The following HOXD9 variants were observed in gnomAD, a reference collection of about 807,000 sequenced individuals.
HOXD9 encodes the protein homeobox D9.
In HOXD9, 21 loss-of-function variants were observed where a neutral mutation model predicts 24.6. The ratio of observed to expected loss-of-function variants is 0.85; its 90% CI spans 0.61 to 1.23. The LOEUF (loss-of-function observed/expected upper bound fraction) is 1.23. HOXD9 is among the 50% of genes most tolerant of loss of function. The pLI is 0.00. For missense variants in HOXD9, 503 were observed against 503.6 expected, an observed-to-expected ratio of 1.00 and a Z score of 0.01; for synonymous variants, 240 against 226.4, an observed-to-expected ratio of 1.06 and a Z score of -0.54.
In HOXD9 at chr2:176,122,852, T is replaced by C; in HGVS notation, c.84T>C (p.His28=). The C allele has an allele frequency of 6.3e-7, 1 of 1,593,088 alleles. No individual in the cohort carries two copies. The highest frequency in any genetic ancestry group is 8.5e-7 in the Non-Finnish European group (1 of 1,171,564). ...ACTACGTGGACTCGCTTATAGGCCA[T>C]GAGGGCGACGAGGTGTTCGCGGCGC... The part of the protein sequence containing the change: ...SNYYVDSLIG[H]EGDEVFAARF... Residue 28 remains histidine, a synonymous_variant, in exon 1 of 2, where the codon CAT becomes CAC. Transcript: ENST00000249499.
chr2:176,123,711 T>C lies in HOXD9; in HGVS notation c.817+126T>C. On this transcript the variant is annotated intron_variant, in intron 1 of 1. Transcript: ENST00000249499. This position sits in a 1 kb window ranked among gnomAD's most constrained non-coding sequence, Gnocchi z 4.2. The stretch of plus-strand genomic sequence containing the variant: ...CCTACCCAAGCCTAGGCGAACAACA[T>C]GCATCCATAAAAAGAGCTTCCCATA... The C allele has an allele frequency of 7.8e-7, 1 of 1,290,012 alleles. No homozygotes were observed. The allele number at this position is 1,290,012 out of a possible 1,614,324, so 79.9% of individuals were successfully genotyped here. A position where few individuals can be genotyped will look rare whatever the true frequency, so the allele number is the denominator to read the frequency against.
Position 176,122,725 on chromosome 2 carries a change from T to G in HOXD9, c.-44T>G, listed in dbSNP as rs770786126. 1 of 1,454,434 alleles carries G rather than the reference T, an allele frequency of 6.9e-7. No individual in the cohort carries two copies. Among genetic ancestry groups the G allele is most frequent in the African/African-American group, 1.5e-5 (1 of 67,270 alleles). 90.1% of individuals were successfully genotyped at this position (1,454,434 alleles called of 1,614,324 possible). A position where few individuals can be genotyped will look rare whatever the true frequency, so the allele number is the denominator to read the frequency against. ...AGGCTGCAGCCTGCGAACTAGTCGG[T>G]GGCTCGGGCGCCGGCGGGGAGCTGC... On this transcript the variant is annotated 5_prime_UTR_variant, in exon 1 of 2. Transcript: ENST00000249499.
rs1185883519 is a variant in HOXD9 at position 176,124,398 on chromosome 2, TTTGGG to T, written c.*224_*228del. ...TTACGTGTTGGAAAAACCAAGTGGC[TTTGGG>T]GTTTCGCCCTATCCCACTCCCTCTC... On this transcript the variant is annotated 3_prime_UTR_variant, in exon 2 of 2. Coordinates refer to ENST00000249499, the MANE Select transcript of HOXD9 (RefSeq NM_014213.4). 9.5e-5 allele frequency: 49 copies of T among 517,626 alleles called. No individual in the cohort carries two copies. Among genetic ancestry groups the T allele is most frequent in the Admixed American group, 1.6e-4 (4 of 25,584 alleles). The allele number at this position is 517,626 out of a possible 1,614,324, so 32.1% of individuals were successfully genotyped here.
Position 176,122,776 on chromosome 2 carries a change from G to T in HOXD9, c.8G>T (p.Gly3Val). The change falls in exon 1 of 2, where the codon GGT becomes GTT. Residue 3 changes from glycine to valine, a missense_variant. Gly to Val is a moderately radical substitution (Grantham distance 109). Coordinates refer to ENST00000249499, the MANE Select transcript of HOXD9 (RefSeq NM_014213.4). ML[G>V]GSAGRLKMSS... ...TCGGCGGCGGACAGTGTAATGTTGG[G>T]TGGGAGTGCGGGACGCCTCAAAATG... 4 of 1,515,188 alleles carry T rather than the reference G, an allele frequency of 2.6e-6. No individual in the cohort carries two copies. The South Asian group carries it at 5.3e-5, about 20-fold the overall frequency. 93.9% of individuals were successfully genotyped at this position (1,515,188 alleles called of 1,614,324 possible). A position where few individuals can be genotyped will look rare whatever the true frequency, so the allele number is the denominator to read the frequency against.
At position 176,124,432 on chromosome 2, in the gene HOXD9, C is replaced by T. The variant is rs912400066; in HGVS notation, c.*257C>T. ...TCGCCCTATCCCACTCCCTCTCTTT[C>T]CTGCTCCATTGGTTCCTTAAGAAAT... On this transcript the variant is annotated 3_prime_UTR_variant, in exon 2 of 2. Coordinates refer to ENST00000249499, the MANE Select transcript of HOXD9 (RefSeq NM_014213.4). 1 of 349,784 alleles carries T rather than the reference C, an allele frequency of 2.9e-6. No homozygotes were observed. The highest frequency in any genetic ancestry group is 5.1e-6 in the Non-Finnish European group (1 of 195,712). The allele number at this position is 349,784 out of a possible 1,614,324, so 21.7% of individuals were successfully genotyped here. A position where few individuals can be genotyped will look rare whatever the true frequency, so the allele number is the denominator to read the frequency against.
rs925338881 is a variant in HOXD9, at chr2:176,124,425, T to G, written c.*250T>G. The G allele has an allele frequency of 5.3e-6, 2 of 373,900 alleles. No homozygotes were observed. Among genetic ancestry groups the G allele is most frequent in the African/African-American group, 2.1e-5 (1 of 48,064 alleles). 23.2% of individuals were successfully genotyped at this position (373,900 alleles called of 1,614,324 possible). A position where few individuals can be genotyped will look rare whatever the true frequency, so the allele number is the denominator to read the frequency against. ...TGGGGTTTCGCCCTATCCCACTCCCTCTCTTTCCTGCTCCATTGGTTCCTT... is the reference window on the plus strand; with the variant it reads ...TGGGGTTTCGCCCTATCCCACTCCCGCTCTTTCCTGCTCCATTGGTTCCTT... On this transcript the variant is annotated 3_prime_UTR_variant, in exon 2 of 2. Transcript: ENST00000249499.
rs56007470 is a variant in HOXD9 at position 176,123,562 on chromosome 2, C to CGCAGCA, written c.801_806dup (p.Gln268_Gln269dup). The CGCAGCA allele has an allele frequency of 1.4e-5, 21 of 1,472,018 alleles. No homozygotes were observed. The highest frequency in any genetic ancestry group is 1.0e-4 in the African/African-American group (7 of 69,498). 91.2% of individuals were successfully genotyped at this position (1,472,018 alleles called of 1,614,324 possible). ...GAGGAGGAGAAGCAGCATTCGCAGC[C>CGCAGCA]GCAGCAGCAGCAACTTGACCCAAGT... On this transcript the variant is annotated inframe_insertion, in exon 1 of 2. Coordinates refer to ENST00000249499, the MANE Select transcript of HOXD9 (RefSeq NM_014213.4). The surrounding 1 kb of genome is among the most constrained non-coding windows in gnomAD (Gnocchi z 4.2).
In HOXD9 at chr2:176,123,659, T is replaced by C. The variant is rs979486623; in HGVS notation, c.817+74T>C. 55 of 1,461,162 alleles carry C rather than the reference T, an allele frequency of 3.8e-5. No individual in the cohort carries two copies. Among genetic ancestry groups the C allele is most frequent in the Non-Finnish European group, 4.8e-5 (53 of 1,105,088 alleles). 90.5% of individuals were successfully genotyped at this position (1,461,162 alleles called of 1,614,324 possible). On this transcript the variant is annotated intron_variant, in intron 1 of 1. Transcript: ENST00000249499. This position sits in a 1 kb window ranked among gnomAD's most constrained non-coding sequence, Gnocchi z 4.2. ...GCTCGAATGTGCAAAACTGATAGTT[T>C]TACTAACCTATAAAAACGTCTAGAC... is the stretch of plus-strand genomic sequence containing the variant.
In HOXD9 at chr2:176,122,937, G is replaced by A. The variant is rs1266171076; in HGVS notation, c.169G>A (p.Ala57Thr). ...GCCTGCAGGTGTGGCTGATGGCCCG[G>A]CCGCCACCGCCGCCGAGTTCGCCTC... ...GRPAGVADGP[A>T]ATAAEFASCS... Residue 57 changes from alanine to threonine, a missense_variant, in exon 1 of 2, where the codon GCC (alanine) becomes ACC (threonine). By Grantham distance (58) the Ala-to-Thr change is moderately conservative. Transcript: ENST00000249499. 13 of 1,578,634 alleles carry A rather than the reference G, an allele frequency of 8.2e-6. No homozygotes were observed.
Position 176,124,211 on chromosome 2 carries a change from C to T in HOXD9, c.*36C>T, listed in dbSNP as rs1267764536. ...TGCTGGCGGGAGCGCTCAAGGGCAG[C>T]GGATTTGTTGTTGTTGCTGTTTTCC... On this transcript the variant is annotated 3_prime_UTR_variant, in exon 2 of 2. Transcript: ENST00000249499. 5 of 1,551,568 alleles carry T rather than the reference C, an allele frequency of 3.2e-6. No individual in the cohort carries two copies. The highest frequency in any genetic ancestry group is 2.7e-5 in the African/African-American group (2 of 72,774).
Position 176,124,288 on chromosome 2 carries a change from T to A in HOXD9, c.*113T>A. On this transcript the variant is annotated 3_prime_UTR_variant, in exon 2 of 2. Transcript: ENST00000249499. ...CAGAAACTCTCCAGCGACTTGGACTTCTTCTTCTTTTTTTTTTTCTTTTTA... is the reference window on the plus strand; with the variant it reads ...CAGAAACTCTCCAGCGACTTGGACTACTTCTTCTTTTTTTTTTTCTTTTTA... 3.7e-6 allele frequency: 5 copies of A among 1,366,326 alleles called. No individual in the cohort carries two copies. Among genetic ancestry groups the A allele is most frequent in the Non-Finnish European group, 3.9e-6 (4 of 1,036,114 alleles). The allele number at this position is 1,366,326 out of a possible 1,614,324, so 84.6% of individuals were successfully genotyped here.
chr2:176,123,709 C>T lies in HOXD9; in HGVS notation c.817+124C>T. ...CGCCTACCCAAGCCTAGGCGAACAA[C>T]ATGCATCCATAAAAAGAGCTTCCCA... On this transcript the variant is annotated intron_variant, in intron 1 of 1. Transcript: ENST00000249499. This position sits in a 1 kb window ranked among gnomAD's most constrained non-coding sequence, Gnocchi z 4.2. 2 of 1,292,042 alleles carry T rather than the reference C, an allele frequency of 1.5e-6. No homozygotes were observed. The highest frequency in any genetic ancestry group is 2.1e-6 in the Non-Finnish European group (2 of 971,010). 80.0% of individuals were successfully genotyped at this position (1,292,042 alleles called of 1,614,324 possible). A position where few individuals can be genotyped will look rare whatever the true frequency, so the allele number is the denominator to read the frequency against.
In HOXD9 at chr2:176,124,795, T is replaced by C. The variant is rs992989767; in HGVS notation, c.*620T>C. The C allele has an allele frequency of 2.0e-5, 3 of 152,330 alleles. No individual in the cohort carries two copies. The highest frequency in any genetic ancestry group is 1.3e-4 in the Admixed American group (2 of 15,284). 9.4% of individuals were successfully genotyped at this position (152,330 alleles called of 1,614,324 possible). On this transcript the variant is annotated 3_prime_UTR_variant, in exon 2 of 2. Coordinates refer to ENST00000249499, the MANE Select transcript of HOXD9 (RefSeq NM_014213.4). ...GTCCTCAGTGCATTGGACGCGCTGC[T>C]CTCTCCCCTGAAGGCTGGGCTCGCG...
Position 176,124,257 on chromosome 2 carries a change from GA to G in HOXD9, c.*83del. The G allele has an allele frequency of 6.8e-7, 1 of 1,480,194 alleles. No individual in the cohort carries two copies. The highest frequency in any genetic ancestry group is 1.5e-5 in the South Asian group (1 of 67,348). 91.7% of individuals were successfully genotyped at this position (1,480,194 alleles called of 1,614,324 possible). A position where few individuals can be genotyped will look rare whatever the true frequency, so the allele number is the denominator to read the frequency against. The stretch of plus-strand genomic sequence containing the variant: ...TTTCCTTTGTGGGTGTTTGGTGCTT[GA>G]TTTCCAGAAACTCTCCAGCGACTTG... On this transcript the variant is annotated 3_prime_UTR_variant, in exon 2 of 2. Coordinates refer to ENST00000249499, the MANE Select transcript of HOXD9 (RefSeq NM_014213.4).
At position 176,124,355 on chromosome 2, in the gene HOXD9, G is replaced by T. The variant is rs1327050610; in HGVS notation, c.*180G>T. 2.2e-6 allele frequency: 2 copies of T among 926,084 alleles called. No individual in the cohort carries two copies. The highest frequency in any genetic ancestry group is 3.0e-6 in the Non-Finnish European group (2 of 666,282). The allele number at this position is 926,084 out of a possible 1,614,324, so 57.4% of individuals were successfully genotyped here. ...TGGTTGGTCTCTGAGGTATTTGGGG[G>T]ACTCTGTATTTGCTCGTTTACGTGT... On this transcript the variant is annotated 3_prime_UTR_variant, in exon 2 of 2. Transcript: ENST00000249499.
rs1689938961 is a variant in HOXD9 at position 176,124,422 on chromosome 2, C to G, written c.*247C>G. On this transcript the variant is annotated 3_prime_UTR_variant, in exon 2 of 2. Coordinates refer to ENST00000249499, the MANE Select transcript of HOXD9 (RefSeq NM_014213.4). ...CTTTGGGGTTTCGCCCTATCCCACT[C>G]CCTCTCTTTCCTGCTCCATTGGTTC... 3 of 378,626 alleles carry G rather than the reference C, an allele frequency of 7.9e-6. No individual in the cohort carries two copies. Among genetic ancestry groups the G allele is most frequent in the Non-Finnish European group, 1.4e-5 (3 of 214,592 alleles). The allele number at this position is 378,626 out of a possible 1,614,324, so 23.5% of individuals were successfully genotyped here.
At position 176,122,737 on chromosome 2, in the gene HOXD9, C is replaced by G. The variant is rs369960160; in HGVS notation, c.-32C>G. Reference sequence around the variant, plus strand: ...GCGAACTAGTCGGTGGCTCGGGCGCCGGCGGGGAGCTGCTCGGCGGCGGAC... The same window carrying G: ...GCGAACTAGTCGGTGGCTCGGGCGCGGGCGGGGAGCTGCTCGGCGGCGGAC... On this transcript the variant is annotated 5_prime_UTR_variant, in exon 1 of 2. Transcript: ENST00000249499. 16 of 1,455,342 alleles carry G rather than the reference C, an allele frequency of 1.1e-5. No homozygotes were observed. The East Asian group carries it at 4.0e-4, about 37-fold the overall frequency. The allele number at this position is 1,455,342 out of a possible 1,614,324, so 90.2% of individuals were successfully genotyped here.
Position 176,123,785 on chromosome 2 carries a change from T to G in HOXD9, c.818-149T>G. 1 of 987,450 alleles carries G rather than the reference T, an allele frequency of 1.0e-6. No individual in the cohort carries two copies. Among genetic ancestry groups the G allele is most frequent in the Non-Finnish European group, 1.5e-6 (1 of 682,336 alleles). 61.2% of individuals were successfully genotyped at this position (987,450 alleles called of 1,614,324 possible). A position where few individuals can be genotyped will look rare whatever the true frequency, so the allele number is the denominator to read the frequency against. ...TAGTACGGTAAACAGAGCGCGAGCATTAAGGCTTTTTATGATAATTCCCCA... is the reference window on the plus strand; with the variant it reads ...TAGTACGGTAAACAGAGCGCGAGCAGTAAGGCTTTTTATGATAATTCCCCA... On this transcript the variant is annotated intron_variant, in intron 1 of 1. Coordinates refer to ENST00000249499, the MANE Select transcript of HOXD9 (RefSeq NM_014213.4). The surrounding 1 kb of genome is among the most constrained non-coding windows in gnomAD (Gnocchi z 4.2).
chr2:176,123,338 G>C lies in HOXD9; in HGVS notation c.570G>C (p.Arg190=), dbSNP rs1403215868. ...SSTSLSSSSK[R]TECSVARESQ... Reference sequence around the variant, plus strand: ...CTTCCTTATCCTCCTCCTCCAAACGGACTGAGTGCTCCGTGGCCCGGGAGT... The same window carrying C: ...CTTCCTTATCCTCCTCCTCCAAACGCACTGAGTGCTCCGTGGCCCGGGAGT... Residue 190 remains arginine (R), a synonymous_variant, in exon 1 of 2, where the codon CGG becomes CGC. Transcript: ENST00000249499. The surrounding 1 kb of genome is among the most constrained non-coding windows in gnomAD (Gnocchi z 4.2). 5 of 1,550,670 alleles carry C rather than the reference G, an allele frequency of 3.2e-6. No homozygotes were observed. Among genetic ancestry groups the C allele is most frequent in the Non-Finnish European group, 4.4e-6 (5 of 1,147,002 alleles).
Sources: gnomAD v4.1 joint callset for allele counts on GRCh38, gnomAD v4.1.1 for gene constraint, Gnocchi (gnomAD v3.1) non-coding constraint, MANE v1.5 for transcripts, NCBI Gene and HGNC (gene_info 2026-07-23, HGNC 2026-07-21) for gene names.